The following RFWD3 variants were observed in gnomAD, a reference collection of about 807,000 sequenced individuals.
RFWD3 encodes E3 ubiquitin-protein ligase RFWD3.
In RFWD3, 65 loss-of-function variants were observed where a neutral mutation model predicts 87.7. That is an observed-to-expected ratio of 0.74 (90% CI 0.61 to 0.91). RFWD3 has a LOEUF of 0.91. RFWD3 is among the 40% of genes least tolerant of loss of function. RFWD3 has a pLI of 0.00. For synonymous variants in RFWD3, 433 were observed against 352.8 expected, an observed-to-expected ratio of 1.23 and a Z score of -2.55; for missense variants, 1,078 against 938.5, an observed-to-expected ratio of 1.15 and a Z score of -1.94.
chr16:74,630,992 A>C, intron 9 of RFWD3, 35 bp from the exon 10 acceptor site: 1 of 1,547,048 alleles, frequency 6.5e-7, no homozygotes, highest in Non-Finnish European at 8.8e-7. Flanking sequence ...CAACTGCATT[A>C]AGAAAATCAA....
At position 74,651,962 on chromosome 16, in the gene RFWD3, C is replaced by T. The variant is rs200549419; in HGVS notation, c.679G>A (p.Val227Ile). 3 of 1,613,894 alleles carry T rather than the reference C, an allele frequency of 1.9e-6. No homozygotes were observed. In the African/African-American group the frequency reaches 4.0e-5, roughly 22 times the overall value. The change falls in exon 3 of 13, where the codon GTT (valine) becomes ATT (isoleucine). Residue 227 changes from valine to isoleucine, a missense_variant. Transcript: ENST00000361070. ...DSDSSAEYGG[V>I]VDQAEESGAV... The stretch of plus-strand genomic sequence containing the variant: ...CCAGATTCCTCTGCCTGGTCAACAA[C>T]CCCTCCATACTCTGCAGAGCTGTCA...
chr16:74,656,912 T>G (rs1355247192), intron 2 of RFWD3, among the ~76,000 whole-genome samples: 2 of 152,244 alleles, frequency 1.3e-5, no homozygotes, highest in Admixed American at 1.3e-4. Context: ...ACTGCAGATG[T>G]GCTAGAAACA....
chr16:74,646,719 G>A (rs761318670), intron 4 of RFWD3, among the ~76,000 whole-genome samples: 5 of 152,080 alleles, frequency 3.3e-5, no homozygotes, highest in Admixed American at 1.3e-4. Context: ...TCAGGAGGTG[G>A]AAAGAAAAGA....
In RFWD3 at chr16:74,655,420, T is replaced by C. The variant is rs937572029; in HGVS notation, c.519-3298A>G. Among the ~76,000 whole-genome samples, 19 of 151,826 alleles carry C rather than the reference T, an allele frequency of 1.3e-4. No homozygotes were observed. In the South Asian group the frequency reaches 2.3e-3, roughly 18 times the overall value. On this transcript the variant is annotated intron_variant, in intron 2 of 12. Coordinates refer to ENST00000361070, the MANE Select transcript of RFWD3 (RefSeq NM_018124.4). ...ACGCCTGGCTAATTTTTTTTTTTTT[T>C]GTATTTTTAGTAGAGATGAGGTTTC...
intron 2 of RFWD3, among the ~76,000 whole-genome samples, chr16:74,654,025 GTTGT>G (rs1960775111): frequency 6.6e-6 from 1 of 151,976 alleles, no homozygotes; most frequent in Non-Finnish European, 1.5e-5. Context: ...TCAATTCAGT[GTTGT>G]TTTTTTTTAG....
In RFWD3 at chr16:74,630,968, AC is replaced by A; in HGVS notation, c.1578-12del. 1 of 1,593,446 alleles carries A rather than the reference AC, an allele frequency of 6.3e-7. No individual in the cohort carries two copies. The highest frequency in any genetic ancestry group is 8.5e-7 in the Non-Finnish European group (1 of 1,174,166). On this transcript the variant is annotated splice_polypyrimidine_tract_variant and intron_variant, in intron 9 of 12. Coordinates refer to ENST00000361070, the MANE Select transcript of RFWD3 (RefSeq NM_018124.4). ...GTATTTGTCTCCAGGCTGTGGAGTT[AC>A]AAAAGACTTTTACAACTGCATTAAG... is the stretch of plus-strand genomic sequence containing the variant.
chr16:74,641,643 G>A (rs1279675371), intron 6 of RFWD3, among the ~76,000 whole-genome samples: 1 of 151,900 alleles, frequency 6.6e-6, no homozygotes. Context: ...AAAACTTTCT[G>A]GCCGGGTGCA....
At chr16:74,631,033 T>C (rs1378319879) in intron 9 of RFWD3, 76 bp from the exon 10 acceptor site, 5 of 1,306,958 alleles carry the variant, frequency 3.8e-6, no homozygotes, top group Non-Finnish European at 5.3e-6. Flanking sequence ...GATTATCATT[T>C]AAATGATCAT....
intron 12 of RFWD3, among the ~76,000 whole-genome samples, chr16:74,624,752 T>C (rs554818494): frequency 1.3e-5 from 2 of 152,230 alleles, no homozygotes; most frequent in East Asian, 1.9e-4. Flanking sequence ...TTCCAACACT[T>C]TGGGAGTCTG....
intron 4 of RFWD3, among the ~76,000 whole-genome samples, chr16:74,647,767 T>C (rs1960266219): frequency 6.6e-6 from 1 of 151,852 alleles, no homozygotes; most frequent in Admixed American, 6.6e-5. Context: ...AATCTTTGCA[T>C]TTTTACTAGG....
At chr16:74,637,122 T>TAAAAAAAAAAAA (rs759556308) in intron 7 of RFWD3, among the ~76,000 whole-genome samples, 3 of 101,806 alleles carry the variant, frequency 2.9e-5, no homozygotes, top group Non-Finnish European at 5.7e-5. Context: ...TAAAGTCCTT[T>TAAAAAAAAAAAA]AAAAAAAAAA....
At chr16:74,628,990 A>G (rs974780921) in intron 10 of RFWD3, among the ~76,000 whole-genome samples, 6 of 148,562 alleles carry the variant, frequency 4.0e-5, no homozygotes, top group Non-Finnish European at 7.5e-5. Flanking sequence ...GTTTAGCCAC[A>G]TAAGAAAAGT....
At chr16:74,639,827 T>C (rs1959476074) in intron 6 of RFWD3, among the ~76,000 whole-genome samples, 1 of 152,058 alleles carries the variant, frequency 6.6e-6, no homozygotes, top group Non-Finnish European at 1.5e-5. Flanking sequence ...AACAAAAGAG[T>C]ACAGTGTCTC....
intron 2 of RFWD3, among the ~76,000 whole-genome samples, chr16:74,660,234 C>A (rs1381996217): frequency 6.6e-6 from 1 of 152,208 alleles, no homozygotes; most frequent in Non-Finnish European, 1.5e-5. Flanking sequence ...CGCACCACTG[C>A]GCTCCAGCCT....
chr16:74,633,677 T>C (rs769984267), intron 8 of RFWD3, among the ~76,000 whole-genome samples: 8 of 152,116 alleles, frequency 5.3e-5, no homozygotes, highest in Non-Finnish European at 1.0e-4. Context: ...TGGCCAAGCA[T>C]GGTAGCTCGC....
At chr16:74,626,836 T>A (rs992024707) in intron 11 of RFWD3, among the ~76,000 whole-genome samples, 1 of 152,212 alleles carries the variant, frequency 6.6e-6, no homozygotes, top group African/African-American at 2.4e-5. Flanking sequence ...GTTGTCTGTT[T>A]TAGTAAAATC....
At chr16:74,641,216 G>A (rs187573697) in intron 6 of RFWD3, among the ~76,000 whole-genome samples, 19 of 151,836 alleles carry the variant, frequency 1.3e-4, no homozygotes, top group Admixed American at 9.2e-4. Context: ...AAGCAGGAGT[G>A]CAATGGTGCG....
chr16:74,658,972 T>A (rs182295291), intron 2 of RFWD3, among the ~76,000 whole-genome samples: 5 of 152,244 alleles, frequency 3.3e-5, no homozygotes, highest in African/African-American at 1.2e-4. Context: ...TTTCACCATG[T>A]TGGCCTCGAA....
At position 74,640,461 on chromosome 16, in the gene RFWD3, T is replaced by C. The variant is rs528481928; in HGVS notation, c.1080-2491A>G. ...GCCCGCCCGGAAACTTAATTAAGGATAGAAGTAGCAATGAAAATTTGTACA... is the reference window on the plus strand; with the variant it reads ...GCCCGCCCGGAAACTTAATTAAGGACAGAAGTAGCAATGAAAATTTGTACA... On this transcript the variant is annotated intron_variant, in intron 6 of 12. Transcript: ENST00000361070. 4.3e-4 allele frequency among the ~76,000 whole-genome samples: 66 copies of C among 152,088 alleles called. 1 individual carries two copies. The highest frequency in any genetic ancestry group is 3.4e-3 in the Middle Eastern group (1 of 294).
Sources: gnomAD v4.1 joint callset for allele counts (sites outside exome capture counted in the v4.1 genomes callset) on GRCh38, gnomAD v4.1.1 for gene constraint, MANE v1.5 for transcripts, NCBI Gene and HGNC (gene_info 2026-07-23, HGNC 2026-07-21) for gene names.